Variants in SFRP4 observed in about 807,000 individuals in gnomAD.
SFRP4 encodes secreted frizzled-related protein 4.
In SFRP4, 25 loss-of-function variants were observed where a neutral mutation model predicts 36.3. The ratio of observed to expected loss-of-function variants is 0.69; its 90% CI spans 0.50 to 0.96. The LOEUF (loss-of-function observed/expected upper bound fraction) is 0.96, where lower values mean the gene tolerates loss of function less well. SFRP4 is among the 40% of genes least tolerant of loss of function. SFRP4 has a pLI of 0.00. For missense variants in SFRP4, 487 were observed against 459.6 expected, an observed-to-expected ratio of 1.06 and a Z score of -0.54; for synonymous variants, 182 against 168.8, an observed-to-expected ratio of 1.08 and a Z score of -0.60.
chr7:37,915,012 AT>A (rs1785551040), intron 1 of SFRP4, among the ~76,000 whole-genome samples: 1 of 152,254 alleles, frequency 6.6e-6, no homozygotes, highest in African/African-American at 2.4e-5. Context: ...ATGTGAATGT[AT>A]ATCCATTTAA....
At chr7:37,911,502 A>G (rs910718747) in intron 4 of SFRP4, among the ~76,000 whole-genome samples, 2 of 152,206 alleles carry the variant, frequency 1.3e-5, no homozygotes, top group African/African-American at 2.4e-5. Context: ...AAAATAAGAA[A>G]GAAAGAGAGG....
At chr7:37,914,304 G>A (rs1367138730) in intron 2 of SFRP4, 26 bp from the exon 3 acceptor site, 2 of 1,613,476 alleles carry the variant, frequency 1.2e-6, no homozygotes, top group African/African-American at 1.3e-5. Context: ...GAGGCAGAAA[G>A]TTGGAAAAAG....
intron 4 of SFRP4, 97 bp from the exon 5 acceptor site, chr7:37,909,777 C>G: frequency 1.6e-6 from 1 of 621,936 alleles, no homozygotes; most frequent in Non-Finnish European, 2.8e-6. Context: ...ATCCTTTACC[C>G]CATAATCCAC....
intron 3 of SFRP4, 105 bp from the exon 4 acceptor site, chr7:37,912,422 T>C (rs1282508632): frequency 1.2e-6 from 1 of 868,980 alleles, no homozygotes; most frequent in Non-Finnish European, 1.8e-6. Context: ...ATCACTCCTG[T>C]AATTATGGTT....
chr7:37,909,962 TTAA>T, intron 4 of SFRP4: 1 of 215,424 alleles, frequency 4.6e-6, no homozygotes, highest in Non-Finnish European at 9.2e-6. Flanking sequence ...AAATATAATG[TTAA>T]TAATATAATA....
At chr7:37,907,730 G>C (rs1785420466) in intron 5 of SFRP4, 66 bp from the exon 6 acceptor site, 2 of 1,209,650 alleles carry the variant, frequency 1.7e-6, no homozygotes, top group Admixed American at 4.6e-5. Flanking sequence ...CAGCTAATGT[G>C]AAAATTAAGG....
At chr7:37,915,994 G>T (rs1315148891) in intron 1 of SFRP4, 99 bp downstream of exon 1, 1 of 1,498,692 alleles carries the variant, frequency 6.7e-7, no homozygotes. Context: ...ACAAGCCTCA[G>T]ACGCCCCTGG....
chr7:37,916,016 G>A lies in SFRP4; in HGVS notation c.445+77C>T. ...TCAGACGCCCCTGGCAGCCTTAGGT[G>A]TGGCCGCCCAGTTCTCGATTGGCAG... On this transcript the variant is annotated intron_variant, in intron 1 of 5. Coordinates refer to ENST00000436072, the MANE Select transcript of SFRP4 (RefSeq NM_003014.4). This position sits in a 1 kb window ranked among gnomAD's most constrained non-coding sequence, Gnocchi z 4.1. 6.5e-7 allele frequency: 1 copy of A among 1,538,226 alleles called. No individual in the cohort carries two copies. The highest frequency in any genetic ancestry group is 1.4e-5 in the African/African-American group (1 of 72,944).
In SFRP4 at chr7:37,916,422, A is replaced by C; in HGVS notation, c.116T>G (p.Ile39Ser). 1.2e-6 allele frequency: 2 copies of C among 1,613,992 alleles called. No individual in the cohort carries two copies. Among genetic ancestry groups the C allele is most frequent in the African/African-American group, 1.3e-5 (1 of 75,010 alleles). ...IPMCRHMPWN[I>S]TRMPNHLHHS... The stretch of plus-strand genomic sequence containing the variant: ...GTGCAGGTGGTTGGGCATCCGCGTG[A>C]TGTTCCAGGGCATGTGCCGGCACAT... Residue 39 changes from isoleucine to serine, a missense_variant, in exon 1 of 6, where the codon ATC becomes AGC. Ile to Ser is a moderately radical substitution (Grantham distance 142). Transcript: ENST00000436072. This position sits in a 1 kb window ranked among gnomAD's most constrained non-coding sequence, Gnocchi z 4.1.
In SFRP4 at chr7:37,916,755, C is replaced by A. The variant is rs969053944; in HGVS notation, c.-218G>T. ...GGGCACGAGCAGCGCCAGCTCTCAGCCTTCGGGGCGCGAACCCGCCCGGGC... is the reference window on the plus strand; with the variant it reads ...GGGCACGAGCAGCGCCAGCTCTCAGACTTCGGGGCGCGAACCCGCCCGGGC... On this transcript the variant is annotated 5_prime_UTR_variant, in exon 1 of 6. Coordinates refer to ENST00000436072, the MANE Select transcript of SFRP4 (RefSeq NM_003014.4). This position sits in a 1 kb window ranked among gnomAD's most constrained non-coding sequence, Gnocchi z 4.1. 9.9e-6 allele frequency: 7 copies of A among 710,504 alleles called. No homozygotes were observed. In the African/African-American group the frequency reaches 1.1e-4, roughly 11 times the overall value. The allele number at this position is 710,504 out of a possible 1,614,324, so 44.0% of individuals were successfully genotyped here.
Position 37,907,372 on chromosome 7 carries a change from T to G in SFRP4, c.*107A>C. The G allele has an allele frequency of 4.6e-6, 4 of 863,874 alleles. No individual in the cohort carries two copies. The highest frequency in any genetic ancestry group is 2.3e-5 in the Admixed American group (1 of 42,584). The allele number at this position is 863,874 out of a possible 1,614,324, so 53.5% of individuals were successfully genotyped here. On this transcript the variant is annotated 3_prime_UTR_variant, in exon 6 of 6. Coordinates refer to ENST00000436072, the MANE Select transcript of SFRP4 (RefSeq NM_003014.4). ...GATGTGTCTATGAAGAGCACTGCAG[T>G]GAGTTGTTAGGGCAAGGGGCACATG... is the stretch of plus-strand genomic sequence containing the variant.
At chr7:37,911,745 C>T (rs1264890404) in intron 4 of SFRP4, among the ~76,000 whole-genome samples, 3 of 152,188 alleles carry the variant, frequency 2.0e-5, no homozygotes, top group African/African-American at 4.8e-5. Context: ...TCTCAACTCC[C>T]TACTTACTTG....
intron 3 of SFRP4, 55 bp downstream of exon 3, chr7:37,914,158 C>A (rs1195711164): frequency 9.5e-6 from 13 of 1,364,376 alleles, no homozygotes; most frequent in Non-Finnish European, 1.3e-5. Flanking sequence ...TATTGAGATT[C>A]CAGCTTTGTA....
chr7:37,910,577 T>A (rs1379329302), intron 4 of SFRP4, among the ~76,000 whole-genome samples: 1 of 152,100 alleles, frequency 6.6e-6, no homozygotes, highest in South Asian at 2.1e-4. Context: ...GTTTACAAAT[T>A]ACTTTTCTTT....
intron 1 of SFRP4, among the ~76,000 whole-genome samples, chr7:37,914,940 G>A (rs1311282643): frequency 6.6e-6 from 1 of 152,188 alleles, no homozygotes; most frequent in Non-Finnish European, 1.5e-5. Flanking sequence ...CTTTCATAAT[G>A]ATATCCAGGG....
Position 37,907,405 on chromosome 7 carries a change from A to G in SFRP4, c.*74T>C, listed in dbSNP as rs540195454. The G allele has an allele frequency of 5.2e-6, 7 of 1,340,638 alleles. No homozygotes were observed. The African/African-American group carries it at 8.8e-5, about 17-fold the overall frequency. The allele number at this position is 1,340,638 out of a possible 1,614,324, so 83.0% of individuals were successfully genotyped here. A position where few individuals can be genotyped will look rare whatever the true frequency, so the allele number is the denominator to read the frequency against. ...TAGGGCAAGGGGCACATGGCCTTAC[A>G]TAGGCTGTCCCAGGCAATGCCCAGC... On this transcript the variant is annotated 3_prime_UTR_variant, in exon 6 of 6. Coordinates refer to ENST00000436072, the MANE Select transcript of SFRP4 (RefSeq NM_003014.4).
intron 4 of SFRP4, among the ~76,000 whole-genome samples, chr7:37,910,072 C>A (rs1467735630): frequency 6.6e-6 from 1 of 151,970 alleles, no homozygotes; most frequent in Non-Finnish European, 1.5e-5. Context: ...TTGAATAACC[C>A]TGTATACAGT....
chr7:37,911,334 A>G (rs993913507), intron 4 of SFRP4, among the ~76,000 whole-genome samples: 1 of 152,262 alleles, frequency 6.6e-6, no homozygotes, highest in Admixed American at 6.5e-5. Context: ...TAGAAGAAAC[A>G]GATGAGCATT....
chr7:37,916,032 C>G lies in SFRP4; in HGVS notation c.445+61G>C, dbSNP rs1166673089. The G allele has an allele frequency of 4.5e-6, 7 of 1,553,922 alleles. No homozygotes were observed. Among genetic ancestry groups the G allele is most frequent in the South Asian group, 1.2e-5 (1 of 80,988 alleles). On this transcript the variant is annotated intron_variant, in intron 1 of 5. Coordinates refer to ENST00000436072, the MANE Select transcript of SFRP4 (RefSeq NM_003014.4). The surrounding 1 kb of genome is among the most constrained non-coding windows in gnomAD (Gnocchi z 4.1). ...GCCTTAGGTGTGGCCGCCCAGTTCTCGATTGGCAGCCACAGCCCCGGGCGC... is the reference window on the plus strand; with the variant it reads ...GCCTTAGGTGTGGCCGCCCAGTTCTGGATTGGCAGCCACAGCCCCGGGCGC...
Sources: allele counts gnomAD v4.1 joint callset (sites outside exome capture counted in the v4.1 genomes callset), GRCh38; gene constraint gnomAD v4.1.1; non-coding constraint Gnocchi (gnomAD v3.1); transcripts MANE v1.5; gene names NCBI Gene and HGNC (gene_info 2026-07-23, HGNC 2026-07-21).